The following SH3BP5 variants were observed in gnomAD, a reference collection of about 807,000 sequenced individuals.
SH3BP5 encodes SH3 domain-binding protein 5.
In SH3BP5, 22 loss-of-function variants were observed where a neutral mutation model predicts 43.3. The ratio of observed to expected loss-of-function variants is 0.51; its 90% confidence interval spans 0.36 to 0.73. SH3BP5 has a LOEUF of 0.73. Ranked by LOEUF, SH3BP5 falls within the 30% of genes least tolerant of loss-of-function variation. SH3BP5 has a pLI of 0.00. For synonymous variants in SH3BP5, 255 were observed against 225.8 expected, an observed-to-expected ratio of 1.13 and a Z score of -1.16; for missense variants, 529 against 586.9, an observed-to-expected ratio of 0.90 and a Z score of 1.02.
chr3:15,293,584 T>C (rs1331032372), intron 3 of SH3BP5, among the ~76,000 whole-genome samples: 2 of 152,182 alleles, frequency 1.3e-5, no homozygotes, highest in Non-Finnish European at 2.9e-5. Context: ...AAAACTGCCT[T>C]TAGTCCTAAA....
intron 3 of SH3BP5, among the ~76,000 whole-genome samples, chr3:15,272,276 G>T (rs186925657): frequency 2.0e-5 from 3 of 152,192 alleles, no homozygotes; most frequent in Admixed American, 2.0e-4. Context: ...TCCAGGCGAC[G>T]ATGACAATCA....
intron 2 of SH3BP5, among the ~76,000 whole-genome samples, chr3:15,327,154 G>A (rs1298453048): frequency 6.6e-6 from 1 of 152,026 alleles, no homozygotes; most frequent in African/African-American, 2.4e-5. Context: ...GTGGGGAGGG[G>A]GGTAGCGACG....
chr3:15,259,776 G>A lies in SH3BP5; in HGVS notation c.654C>T (p.Tyr218=), dbSNP rs146479789. 567 of 1,614,140 alleles carry A rather than the reference G, an allele frequency of 3.5e-4. 2 individuals are homozygous for A. In the African/African-American group the frequency reaches 7.1e-3, roughly 20 times the overall value. The change falls in exon 6 of 9, where the codon TAC becomes TAT. Residue 218 remains tyrosine (Y), a synonymous_variant. Transcript: ENST00000383791. ...SKPYFELKAK[Y]YVQLEQLKKT... is the part of the protein sequence containing the mutation. ...CTACACATACCTCGAGCTGCACATAGTACTTTGCCTTGAGTTCAAAATAAG... is the reference window on the plus strand; with the variant it reads ...CTACACATACCTCGAGCTGCACATAATACTTTGCCTTGAGTTCAAAATAAG...
chr3:15,323,911 G>A (rs1698396413), intron 2 of SH3BP5, among the ~76,000 whole-genome samples: 1 of 152,134 alleles, frequency 6.6e-6, no homozygotes, highest in South Asian at 2.1e-4. Flanking sequence ...AGTTTCAAAT[G>A]TTTCTCCACT....
rs140714634 is a variant in SH3BP5 at position 15,269,313 on chromosome 3, G to A, written c.495+400C>T. ...CTTCCTCCGACAGCACATACCCGAA[G>A]TGCAGCCCCCATTTAGGGCTGTTCA... On this transcript the variant is annotated intron_variant, in intron 4 of 8. Coordinates refer to ENST00000383791, the MANE Select transcript of SH3BP5 (RefSeq NM_004844.5). Among the ~76,000 whole-genome samples the A allele has an allele frequency of 3.1e-4, 47 of 152,222 alleles. 1 individual carries two copies. Among genetic ancestry groups the A allele is most frequent in the African/African-American group, 1.1e-3 (45 of 41,532 alleles).
At chr3:15,315,415 G>T (rs1324413060) in intron 2 of SH3BP5, among the ~76,000 whole-genome samples, 3 of 152,194 alleles carry the variant, frequency 2.0e-5, no homozygotes, top group Admixed American at 1.3e-4. Flanking sequence ...GCATTCAACA[G>T]CTTTTAGGCC....
At chr3:15,309,082 A>G (rs369773822) in intron 2 of SH3BP5, among the ~76,000 whole-genome samples, 1 of 152,208 alleles carries the variant, frequency 6.6e-6, no homozygotes, top group South Asian at 2.1e-4. Context: ...AGAGGGTGAA[A>G]AGAGACAAAA....
rs576442989 is a variant in SH3BP5 at position 15,310,326 on chromosome 3, G to A, written c.202-6095C>T. 1.3e-4 allele frequency among the ~76,000 whole-genome samples: 20 copies of A among 152,312 alleles called. No homozygotes were observed. The South Asian group carries it at 3.9e-3, about 30-fold the overall frequency. ...CTAACAATAAAGCCATGTGTATAAG[G>A]AGCAGAGTCTGTGGAATTTAGTTCA... On this transcript the variant is annotated intron_variant, in intron 2 of 8. Transcript: ENST00000383791.
intron 5 of SH3BP5, among the ~76,000 whole-genome samples, chr3:15,261,604 G>C (rs1212575288): frequency 6.6e-6 from 1 of 152,158 alleles, no homozygotes; most frequent in Non-Finnish European, 1.5e-5. Flanking sequence ...GAATGAAGCA[G>C]GGGGCTTGTC....
chr3:15,256,166 G>T lies in SH3BP5; in HGVS notation c.1288C>A (p.Arg430=), dbSNP rs1696188019. The change falls in exon 9 of 9, where the codon CGG becomes AGG. Residue 430 remains arginine, a synonymous_variant. Transcript: ENST00000383791. ...TSPEGQALEN[R]MKQLSLQCSK... is the part of the protein sequence containing the mutation. ...CACTGTAGGGAGAGCTGCTTCATCC[G>T]GTTCTCCAAGGCCTGGCCCTCAGGG... 6.2e-7 allele frequency: 1 copy of T among 1,614,122 alleles called. No homozygotes were observed. Among genetic ancestry groups the T allele is most frequent in the Non-Finnish European group, 8.5e-7 (1 of 1,180,002 alleles).
chr3:15,330,699 C>G (rs555516678), intron 1 of SH3BP5, 133 bp from the exon 2 acceptor site: 1 of 1,398,024 alleles, frequency 7.2e-7, no homozygotes, highest in African/African-American at 1.5e-5. Flanking sequence ...TTAATTCTTA[C>G]GGCAAACAGT....
At chr3:15,308,877 TC>T (rs2125118141) in intron 2 of SH3BP5, among the ~76,000 whole-genome samples, 1 of 152,270 alleles carries the variant, frequency 6.6e-6, no homozygotes, top group Admixed American at 6.5e-5. Flanking sequence ...GTTACTTAAG[TC>T]TCAAGTAATT....
intron 2 of SH3BP5, among the ~76,000 whole-genome samples, chr3:15,325,046 G>A (rs183748492): frequency 2.0e-5 from 3 of 152,202 alleles, no homozygotes; most frequent in African/African-American, 2.4e-5. Context: ...GGAAAAGGAC[G>A]GACCCCTTCA....
At chr3:15,313,648 C>G (rs1003071823) in intron 2 of SH3BP5, among the ~76,000 whole-genome samples, 2 of 152,202 alleles carry the variant, frequency 1.3e-5, no homozygotes, top group Admixed American at 6.5e-5. Context: ...TTAAATAGCG[C>G]TTGGGTGAAA....
At chr3:15,315,499 C>T (rs770810677) in intron 2 of SH3BP5, among the ~76,000 whole-genome samples, 15 of 152,078 alleles carry the variant, frequency 9.9e-5, no homozygotes, top group Non-Finnish European at 2.1e-4. Flanking sequence ...CCAAGAGGTT[C>T]CTTTCACTAA....
intron 2 of SH3BP5, among the ~76,000 whole-genome samples, chr3:15,320,866 A>G (rs1344482184): frequency 6.6e-5 from 10 of 152,182 alleles, no homozygotes; most frequent in Admixed American, 4.6e-4. Context: ...CTGGGGATAC[A>G]GTCACATGAT....
upstream of SH3BP5, among the ~76,000 whole-genome samples, chr3:15,337,069 G>T (rs997608311): frequency 5.0e-5 from 7 of 140,954 alleles, no homozygotes; most frequent in African/African-American, 8.0e-5. Context: ...AAGAGTTGGG[G>T]TTTTTTTTAG....
chr3:15,259,278 T>C lies in SH3BP5; in HGVS notation c.670-228A>G. 3 of 590,732 alleles carry C rather than the reference T, an allele frequency of 5.1e-6. No homozygotes were observed. The South Asian group carries it at 6.1e-5, about 12-fold the overall frequency. 36.6% of individuals were successfully genotyped at this position (590,732 alleles called of 1,614,324 possible). A position where few individuals can be genotyped will look rare whatever the true frequency, so the allele number is the denominator to read the frequency against. On this transcript the variant is annotated intron_variant, in intron 6 of 8. Transcript: ENST00000383791. ...GTGACAACCTCTAATATCCAAAAAC[T>C]CTCACTGGTGGAACAAACCCCATCA...
intron 8 of SH3BP5, 70 bp from the exon 9 acceptor site, chr3:15,256,373 G>T: frequency 6.7e-7 from 1 of 1,490,844 alleles, no homozygotes; most frequent in Middle Eastern, 2.3e-4. Context: ...GAAATACAAA[G>T]ATTATCAAAA....
Sources: allele counts gnomAD v4.1 joint callset (sites outside exome capture counted in the v4.1 genomes callset), GRCh38; gene constraint gnomAD v4.1.1; transcripts MANE v1.5; gene names NCBI Gene and HGNC (gene_info 2026-07-23, HGNC 2026-07-21).